The following NADK variants were observed in gnomAD, a reference collection of about 807,000 sequenced individuals.
NADK encodes the protein poly(P)/ATP NAD kinase.
A neutral mutation model predicts 49.8 loss-of-function variants in NADK; 22 were observed. The ratio of observed to expected loss-of-function variants is 0.44; its 90% CI spans 0.32 to 0.63. The LOEUF (loss-of-function observed/expected upper bound fraction) is 0.63. NADK is among the 30% of genes least tolerant of loss of function. The probability of loss-of-function intolerance (pLI) is 0.06; values close to 1 mark genes in which losing one functional copy is unlikely to be tolerated. For missense variants in NADK, 438 were observed against 609.4 expected (o/e 0.72, Z 2.96); for synonymous variants, 268 against 253.7 (o/e 1.06, Z -0.54).
rs1472525898 is a variant in NADK, at chr1:1,755,372, A to G, written c.688+2T>C. ...TGTGGGCTCCAGAACATTCCAACTCACCCTCTATCACCTGAGTAACTTGGG... is the reference window on the plus strand; with the variant it reads ...TGTGGGCTCCAGAACATTCCAACTCGCCCTCTATCACCTGAGTAACTTGGG... On this transcript the variant is annotated splice_donor_variant, in intron 7 of 11. Transcript: ENST00000341426. LOFTEE classifies it high-confidence loss of function. 6.2e-7 allele frequency: 1 copy of G among 1,608,956 alleles called. No individual in the cohort carries two copies. Among genetic ancestry groups the G allele is most frequent in the Non-Finnish European group, 8.5e-7 (1 of 1,175,670 alleles).
chr1:1,769,645 T>C (rs1041178330), intron 1 of NADK, among the ~76,000 whole-genome samples: 1 of 151,954 alleles, frequency 6.6e-6, no homozygotes, highest in Non-Finnish European at 1.5e-5. Context: ...TGAGAATTCC[T>C]TGAACCTGGG....
At position 1,754,534 on chromosome 1, in the gene NADK, C is replaced by T. The variant is rs202131712; in HGVS notation, c.843+10G>A. The T allele has an allele frequency of 6.2e-7, 1 of 1,606,750 alleles. No individual in the cohort carries two copies. The highest frequency in any genetic ancestry group is 2.2e-5 in the East Asian group (1 of 44,756). ...GGGCCCCTCACCGAGGCCGAGGCGCCTCCACTCACCTGGTACTGCATGGCC... is the reference window on the plus strand; with the variant it reads ...GGGCCCCTCACCGAGGCCGAGGCGCTTCCACTCACCTGGTACTGCATGGCC... On this transcript the variant is annotated intron_variant, in intron 8 of 11. Transcript: ENST00000341426. This position sits in a 1 kb window ranked among gnomAD's most constrained non-coding sequence, Gnocchi z 4.3.
chr1:1,756,423 A>G, intron 5 of NADK, 80 bp from the exon 6 acceptor site: 1 of 1,610,164 alleles, frequency 6.2e-7, no homozygotes, highest in Non-Finnish European at 8.5e-7. Flanking sequence ...CACCAATGAC[A>G]AGGGCAACAG....
intron 1 of NADK, among the ~76,000 whole-genome samples, chr1:1,767,010 G>T (rs919559470): frequency 1.3e-5 from 2 of 151,888 alleles, no homozygotes; most frequent in African/African-American, 4.8e-5. Flanking sequence ...TGCTTCCCGG[G>T]TTCAAGTGAT....
chr1:1,757,030 C>T, intron 4 of NADK, 151 bp downstream of exon 4: 3 of 1,227,946 alleles, frequency 2.4e-6, no homozygotes, highest in African/African-American at 1.5e-5. Flanking sequence ...CCCAGACACC[C>T]GGCAGATCCC....
chr1:1,772,677 A>G (rs1253442036), intron 1 of NADK, among the ~76,000 whole-genome samples: 4 of 151,938 alleles, frequency 2.6e-5, no homozygotes, highest in Admixed American at 2.6e-4. Flanking sequence ...TAAGGTCTAT[A>G]GTTTAGTTAG....
chr1:1,758,314 C>T (rs1645596414), intron 3 of NADK: 1 of 1,558,368 alleles, frequency 6.4e-7, no homozygotes, highest in South Asian at 1.2e-5. Context: ...GCCACAGGGC[C>T]ACAGACCTTA....
At chr1:1,777,156 C>T (rs1271803729) in intron 1 of NADK, among the ~76,000 whole-genome samples, 1 of 152,130 alleles carries the variant, frequency 6.6e-6, no homozygotes, top group Non-Finnish European at 1.5e-5. Context: ...TTGGGTACTG[C>T]GGTGGCACCT....
chr1:1,761,633 C>T (rs1048204797), intron 3 of NADK: 14 of 286,122 alleles, frequency 4.9e-5, no homozygotes, highest in South Asian at 3.0e-4. Flanking sequence ...GCCACACCCA[C>T]GGGCTGTGAC....
At chr1:1,761,659 C>A (rs760995086) in intron 3 of NADK, 3 of 323,460 alleles carry the variant, frequency 9.3e-6, no homozygotes. Flanking sequence ...CTCCAGGCCC[C>A]GGCTCGCCTG....
chr1:1,761,843 C>T (rs758700480), intron 3 of NADK, 109 bp downstream of exon 3: 1 of 951,914 alleles, frequency 1.1e-6, no homozygotes, highest in Non-Finnish European at 1.7e-6. Context: ...TCCCACAACT[C>T]CACACACATC....
At chr1:1,759,646 TC>T in intron 3 of NADK, 1 of 1,408,404 alleles carries the variant, frequency 7.1e-7, no homozygotes, top group Non-Finnish European at 9.6e-7. Context: ...GAGGTTATGA[TC>T]CCAGAGACAC....
At chr1:1,758,764 GC>G in intron 3 of NADK, 1 of 587,858 alleles carries the variant, frequency 1.7e-6, no homozygotes. Flanking sequence ...CAGCAAAGAG[GC>G]CACACTTCAG....
At chr1:1,761,774 T>G in intron 3 of NADK, 178 bp downstream of exon 3, 1 of 575,938 alleles carries the variant, frequency 1.7e-6, no homozygotes, top group Non-Finnish European at 3.1e-6. Flanking sequence ...GCTTTTTGTT[T>G]AAATGACCTA....
At chr1:1,774,846 G>A (rs776943894) in intron 1 of NADK, among the ~76,000 whole-genome samples, 4 of 152,076 alleles carry the variant, frequency 2.6e-5, no homozygotes, top group East Asian at 1.9e-4. Context: ...GGTGGCTCAC[G>A]ACTGTAATCC....
intron 5 of NADK, 27 bp downstream of exon 5, chr1:1,756,476 C>T: frequency 3.1e-6 from 5 of 1,613,768 alleles, no homozygotes; most frequent in Non-Finnish European, 4.2e-6. Flanking sequence ...GCTGGAGAAA[C>T]CAAGGACAGA....
Position 1,754,576 on chromosome 1 carries a change from T to C in NADK, c.811A>G (p.Met271Val), listed in dbSNP as rs1174216804. 9 of 1,613,154 alleles carry C rather than the reference T, an allele frequency of 5.6e-6. No homozygotes were observed. Among genetic ancestry groups the C allele is most frequent in the African/African-American group, 2.7e-5 (2 of 74,908 alleles). The stretch of plus-strand genomic sequence containing the variant: ...TGCATGGCCTGCTTCCCGACATCCA[T>C]GTCCAGGCCTGCAGCCTGCGAGCCG... ...ENGSQAAGLD[M>V]DVGKQAMQYQ... is the part of the protein sequence containing the mutation. Residue 271 changes from methionine (M) to valine (V), a missense_variant, in exon 8 of 12, where the codon ATG becomes GTG. Physicochemically the swap from Met to Val is conservative, Grantham distance 21. Transcript: ENST00000341426. This position sits in a 1 kb window ranked among gnomAD's most constrained non-coding sequence, Gnocchi z 4.3.
chr1:1,754,859 T>A lies in NADK; in HGVS notation c.689-161A>T, dbSNP rs1252547143. ...TATTTTGAGATGGAGTCTCACTCTG[T>A]CACCCAGGCTGGAATGCAGTGGTGT... On this transcript the variant is annotated intron_variant, in intron 7 of 11. Coordinates refer to ENST00000341426, the MANE Select transcript of NADK (RefSeq NM_023018.5). This position sits in a 1 kb window ranked among gnomAD's most constrained non-coding sequence, Gnocchi z 4.3. The A allele has an allele frequency of 1.5e-6, 1 of 662,324 alleles. No homozygotes were observed. Among genetic ancestry groups the A allele is most frequent in the South Asian group, 2.1e-5 (1 of 48,546 alleles). The allele number at this position is 662,324 out of a possible 1,614,324, so 41.0% of individuals were successfully genotyped here.
rs978838926 is a variant in NADK, at chr1:1,753,466, G to A, written c.1184+101C>T. 2.1e-6 allele frequency: 2 copies of A among 936,562 alleles called. 1 individual carries two copies. Among genetic ancestry groups the A allele is most frequent in the Admixed American group, 4.9e-5 (2 of 40,872 alleles). The allele number at this position is 936,562 out of a possible 1,614,324, so 58.0% of individuals were successfully genotyped here. ...GGGACTCAGGCCCTGTGGTGCCCTA[G>A]GGGACAAGCTGTGTCTACAGGCCAA... is the stretch of plus-strand genomic sequence containing the variant. On this transcript the variant is annotated intron_variant, in intron 11 of 11. Transcript: ENST00000341426.
Sources: gnomAD v4.1 joint callset for allele counts (sites outside exome capture counted in the v4.1 genomes callset) on GRCh38, gnomAD v4.1.1 for gene constraint, Gnocchi (gnomAD v3.1) non-coding constraint, MANE v1.5 for transcripts, NCBI Gene and HGNC (gene_info 2026-07-23, HGNC 2026-07-21) for gene names.